PTPRD: variants seen among roughly 807,000 people sequenced by gnomAD.
The protein encoded by PTPRD is protein tyrosine phosphatase receptor type D.
A neutral mutation model predicts 214.5 loss-of-function variants in PTPRD; 34 were observed. The observed-to-expected ratio is 0.16, with a 90% confidence interval of 0.12 to 0.21. PTPRD has a LOEUF of 0.21. Ranked by LOEUF, PTPRD falls within the 10% of genes least tolerant of loss-of-function variation. The pLI, the probability that PTPRD is intolerant of heterozygous loss-of-function variation, is 1.00. For synonymous variants in PTPRD, 1,128 were observed against 845.7 expected (o/e 1.33, Z -5.79); for missense variants, 2,545 against 2,398.7 (o/e 1.06, Z -1.27).
chr9:9,776,319 C>T (rs1416692638), intron 5 of PTPRD, among the ~76,000 whole-genome samples: 2 of 152,070 alleles, frequency 1.3e-5, no homozygotes, highest in Non-Finnish European at 2.9e-5. Context: ...CATCTTTATC[C>T]TAGTCTTAGT....
intron 4 of PTPRD, among the ~76,000 whole-genome samples, chr9:9,965,376 G>C (rs1171767375): frequency 1.3e-5 from 2 of 152,122 alleles, no homozygotes; most frequent in Non-Finnish European, 2.9e-5. Flanking sequence ...GAGGAGACTG[G>C]TGAGGCAGGT....
At chr9:10,454,707 T>C (rs1268899174) in intron 2 of PTPRD, among the ~76,000 whole-genome samples, 1 of 151,742 alleles carries the variant, frequency 6.6e-6, no homozygotes, top group African/African-American at 2.4e-5. Flanking sequence ...AATCCAGGAT[T>C]TGCATTAATT....
intron 4 of PTPRD, among the ~76,000 whole-genome samples, chr9:10,009,917 T>C (rs530434873): frequency 6.6e-6 from 1 of 152,002 alleles, no homozygotes; most frequent in South Asian, 2.1e-4. Flanking sequence ...TGCTGGTCAG[T>C]TGTGCCTGAA....
intron 14 of PTPRD, among the ~76,000 whole-genome samples, chr9:8,619,956 GT>G (rs1277946607): frequency 6.6e-6 from 1 of 151,960 alleles, no homozygotes; most frequent in Non-Finnish European, 1.5e-5. Flanking sequence ...AGCATGTTTG[GT>G]CAAGCCACCT....
chr9:10,131,349 C>G lies in PTPRD; in HGVS notation c.-544-97559G>C, dbSNP rs370412976. On this transcript the variant is annotated intron_variant, in intron 3 of 45. Transcript: ENST00000381196. ...CTTCTCCGTAGAATGGGAACAATTG[C>G]AGTAGTTCAGTGCACTATTTCAACA... Among the ~76,000 whole-genome samples, 12 of 152,198 alleles carry G rather than the reference C, an allele frequency of 7.9e-5. No homozygotes were observed. In the East Asian group the frequency reaches 2.3e-3, roughly 29 times the overall value.
At chr9:9,967,206 C>A (rs1272762676) in intron 4 of PTPRD, among the ~76,000 whole-genome samples, 1 of 152,108 alleles carries the variant, frequency 6.6e-6, no homozygotes, top group Non-Finnish European at 1.5e-5. Context: ...TTATCATCAG[C>A]AAATTGTAGA....
At chr9:8,743,468 G>T (rs921893198) in intron 11 of PTPRD, among the ~76,000 whole-genome samples, 8 of 152,076 alleles carry the variant, frequency 5.3e-5, no homozygotes, top group African/African-American at 1.7e-4. Context: ...TCAGTTTCAA[G>T]GACTGTTTTC....
intron 9 of PTPRD, among the ~76,000 whole-genome samples, chr9:9,297,271 G>C (rs1228090420): frequency 3.3e-5 from 5 of 151,568 alleles, no homozygotes; most frequent in Middle Eastern, 3.2e-3. Context: ...TAAAATAATT[G>C]TTTCTATTTT....
At chr9:10,366,716 G>C (rs553294529) in intron 2 of PTPRD, among the ~76,000 whole-genome samples, 7 of 152,200 alleles carry the variant, frequency 4.6e-5, no homozygotes, top group African/African-American at 1.7e-4. Context: ...CTCAGCTTAA[G>C]CAATTATCAA....
intron 7 of PTPRD, among the ~76,000 whole-genome samples, chr9:9,591,045 G>C (rs1030826396): frequency 2.0e-5 from 3 of 152,022 alleles, no homozygotes; most frequent in Admixed American, 6.6e-5. Context: ...CCTGGAACCT[G>C]TGTTACCTTC....
intron 9 of PTPRD, among the ~76,000 whole-genome samples, chr9:9,322,032 T>A (rs1267441801): frequency 6.6e-6 from 1 of 152,168 alleles, no homozygotes; most frequent in Non-Finnish European, 1.5e-5. Context: ...AATTAGCAAA[T>A]CACTAGAAGT....
chr9:9,387,956 A>G (rs1440582097), intron 9 of PTPRD, among the ~76,000 whole-genome samples: 1 of 152,184 alleles, frequency 6.6e-6, no homozygotes, highest in Non-Finnish European at 1.5e-5. Context: ...GGCCTGTGTT[A>G]ACCAGCTTAA....
At chr9:9,807,212 G>C (rs771509728) in intron 5 of PTPRD, among the ~76,000 whole-genome samples, 1 of 152,126 alleles carries the variant, frequency 6.6e-6, no homozygotes, top group Non-Finnish European at 1.5e-5. Flanking sequence ...TGCTACAGGA[G>C]TTACTAAAGA....
intron 5 of PTPRD, among the ~76,000 whole-genome samples, chr9:9,772,513 T>G (rs1043197404): frequency 5.3e-5 from 8 of 152,166 alleles, no homozygotes; most frequent in African/African-American, 1.9e-4. Flanking sequence ...AGAAGCTCTC[T>G]TGATATTCCT....
At chr9:9,847,673 G>A (rs1437635864) in intron 5 of PTPRD, among the ~76,000 whole-genome samples, 1 of 151,996 alleles carries the variant, frequency 6.6e-6, no homozygotes, top group Non-Finnish European at 1.5e-5. Context: ...AGCTTTCCAG[G>A]CAGGGCCAAG....
intron 8 of PTPRD, among the ~76,000 whole-genome samples, chr9:9,570,848 C>G: frequency 6.6e-6 from 1 of 151,548 alleles, no homozygotes; most frequent in Non-Finnish European, 1.5e-5. Flanking sequence ...TTCAAATATC[C>G]AAGTATATGG....
rs1298566272 is a variant in PTPRD at position 9,275,108 on chromosome 9, T to TA, written c.-202-91746_-202-91745insT. Among the ~76,000 whole-genome samples the TA allele has an allele frequency of 1.6e-3, 115 of 69,726 alleles. 1 individual carries two copies. Among genetic ancestry groups the TA allele is most frequent in the African/African-American group, 1.9e-3 (30 of 15,806 alleles). 45.7% of individuals were successfully genotyped at this position (69,726 alleles called of 152,430 possible). ...ATATATATGTTATATATATAATATA[T>TA]TATATATATATTATATATATTATAT... On this transcript the variant is annotated intron_variant, in intron 9 of 45. Coordinates refer to ENST00000381196, the MANE Select transcript of PTPRD (RefSeq NM_002839.4).
chr9:8,409,342 C>A (rs555185595), intron 35 of PTPRD, among the ~76,000 whole-genome samples: 59 of 152,148 alleles, frequency 3.9e-4, no homozygotes, highest in Non-Finnish European at 5.4e-4. Context: ...GCTGAGGGCC[C>A]AGCCACCATA....
chr9:8,687,408 T>A (rs1163199355), intron 12 of PTPRD, among the ~76,000 whole-genome samples: 1 of 152,214 alleles, frequency 6.6e-6, no homozygotes, highest in Non-Finnish European at 1.5e-5. Flanking sequence ...CCAATATGAA[T>A]GCCTTTTAAA....
Sources: allele counts gnomAD v4.1 joint callset (sites outside exome capture counted in the v4.1 genomes callset), GRCh38; gene constraint gnomAD v4.1.1; transcripts MANE v1.5; gene names NCBI Gene and HGNC (gene_info 2026-07-23, HGNC 2026-07-21).